Variants in SELENOI observed in about 807,000 individuals in gnomAD.
SELENOI encodes ethanolaminephosphotransferase 1.
In SELENOI, 24 loss-of-function variants were observed where a neutral mutation model predicts 50.7. The ratio of observed to expected loss-of-function variants is 0.47; its 90% CI spans 0.34 to 0.67. The LOEUF (loss-of-function observed/expected upper bound fraction) is 0.67. Among genes scored for constraint, SELENOI ranks in the 30% least tolerant of loss-of-function variants. The probability of loss-of-function intolerance (pLI) is 0.01; values close to 1 mark genes in which losing one functional copy is unlikely to be tolerated. For missense variants in SELENOI, 352 were observed against 461.4 expected (o/e 0.76, Z 2.17); for synonymous variants, 155 against 170.2 (o/e 0.91, Z 0.70).
At chr2:26,372,216 G>A (rs1470628582) in intron 4 of SELENOI, among the ~76,000 whole-genome samples, 1 of 152,098 alleles carries the variant, frequency 6.6e-6, no homozygotes. Flanking sequence ...GGGTTCAAGC[G>A]ATTCTCCTGC....
intron 6 of SELENOI, among the ~76,000 whole-genome samples, chr2:26,382,420 C>T (rs960773786): frequency 1.3e-4 from 20 of 152,128 alleles, no homozygotes; most frequent in African/African-American, 4.6e-4. Context: ...TTTCACTTAG[C>T]AGTCAGGAAT....
intron 1 of SELENOI, among the ~76,000 whole-genome samples, chr2:26,354,572 T>TC (rs1353660888): frequency 7.3e-5 from 11 of 151,712 alleles, no homozygotes; most frequent in Non-Finnish European, 1.3e-4. Flanking sequence ...TTTTTTTTTT[T>TC]AGTAGAGACG....
Position 26,346,152 on chromosome 2 carries a change from G to A in SELENOI, c.-81G>A, listed in dbSNP as rs773529782. ...GGGCAGCCCAGTCTTTGCCATCCTT[G>A]CCCAGCCGGTGTGGTGCTTGTGTGT... is the stretch of plus-strand genomic sequence containing the variant. On this transcript the variant is annotated 5_prime_UTR_variant, in exon 1 of 10. Transcript: ENST00000260585. 2.5e-6 allele frequency: 4 copies of A among 1,606,426 alleles called. No homozygotes were observed. The African/African-American group carries it at 4.0e-5, about 16-fold the overall frequency.
At chr2:26,364,975 G>T in intron 3 of SELENOI, 35 bp downstream of exon 3, 1 of 1,434,046 alleles carries the variant, frequency 7.0e-7, no homozygotes. Context: ...ATTTAACTGA[G>T]TAGAAAAAAA....
chr2:26,354,382 GT>G (rs896872205), intron 1 of SELENOI, among the ~76,000 whole-genome samples: 2 of 151,752 alleles, frequency 1.3e-5, no homozygotes, highest in African/African-American at 2.4e-5. Context: ...GTTTGTTTTT[GT>G]TTTTTTGTTT....
intron 1 of SELENOI, among the ~76,000 whole-genome samples, chr2:26,354,437 A>G (rs1375759155): frequency 6.6e-6 from 1 of 151,960 alleles, no homozygotes; most frequent in Non-Finnish European, 1.5e-5. Flanking sequence ...CCCAGGCTGG[A>G]GTGCAGTGGT....
Position 26,390,169 on chromosome 2 carries a change from A to C in SELENOI, c.*1066A>C, listed in dbSNP as rs1677932549. 6.6e-6 allele frequency: 1 copy of C among 151,102 alleles called. No individual in the cohort carries two copies. The highest frequency in any genetic ancestry group is 6.7e-5 in the Admixed American group (1 of 15,018). 9.4% of individuals were successfully genotyped at this position (151,102 alleles called of 1,614,324 possible). The stretch of plus-strand genomic sequence containing the variant: ...TTGATATATATGCCTTACTGAGTAC[A>C]TGCCCCCTTTAATGTTAACATGACT... On this transcript the variant is annotated 3_prime_UTR_variant, in exon 10 of 10. Transcript: ENST00000260585.
At chr2:26,387,569 G>A (rs1218416344) in intron 9 of SELENOI, among the ~76,000 whole-genome samples, 1 of 151,878 alleles carries the variant, frequency 6.6e-6, no homozygotes, top group Non-Finnish European at 1.5e-5. Context: ...GGTGGTACAG[G>A]CCTGTAGTCC....
chr2:26,371,306 G>C (rs1202851820), intron 4 of SELENOI, among the ~76,000 whole-genome samples: 1 of 151,560 alleles, frequency 6.6e-6, no homozygotes, highest in Non-Finnish European at 1.5e-5. Context: ...ACGGGGTGGC[G>C]GCCGGGCAGA....
rs1678043472 is a variant in SELENOI at position 26,394,467 on chromosome 2, A to C, written c.*5364A>C. Reference sequence around the variant, plus strand: ...TCAGCATTAGACTTTGAGTTTAATAACTACAAATTGAGACTGCTCACAATA... The same window carrying C: ...TCAGCATTAGACTTTGAGTTTAATACCTACAAATTGAGACTGCTCACAATA... On this transcript the variant is annotated 3_prime_UTR_variant, in exon 10 of 10. Transcript: ENST00000260585. This position sits in a 1 kb window ranked among gnomAD's most constrained non-coding sequence, Gnocchi z 4.1. 6.6e-6 allele frequency: 1 copy of C among 152,246 alleles called. No homozygotes were observed. Among genetic ancestry groups the C allele is most frequent in the Non-Finnish European group, 1.5e-5 (1 of 68,038 alleles). 9.4% of individuals were successfully genotyped at this position (152,246 alleles called of 1,614,324 possible).
intron 1 of SELENOI, among the ~76,000 whole-genome samples, chr2:26,354,201 T>C (rs1365710101): frequency 6.6e-6 from 1 of 152,136 alleles, no homozygotes; most frequent in African/African-American, 2.4e-5. Context: ...CTATTTTCCC[T>C]GTTTCACCGA....
intron 1 of SELENOI, among the ~76,000 whole-genome samples, chr2:26,354,469 C>G (rs9941613): frequency 6.6e-6 from 1 of 151,946 alleles, no homozygotes; most frequent in East Asian, 1.9e-4. Context: ...TCACTGCAAG[C>G]TCCGCCTCCT....
Position 26,391,484 on chromosome 2 carries a change from G to A in SELENOI, c.*2381G>A, listed in dbSNP as rs1031858530. 6.6e-6 allele frequency: 1 copy of A among 152,188 alleles called. No individual in the cohort carries two copies. The highest frequency in any genetic ancestry group is 2.4e-5 in the African/African-American group (1 of 41,442). 9.4% of individuals were successfully genotyped at this position (152,188 alleles called of 1,614,324 possible). A position where few individuals can be genotyped will look rare whatever the true frequency, so the allele number is the denominator to read the frequency against. On this transcript the variant is annotated 3_prime_UTR_variant, in exon 10 of 10. Coordinates refer to ENST00000260585, the MANE Select transcript of SELENOI (RefSeq NM_033505.4). ...AATTACTATAACATTTCCAAAGTAT[G>A]AAAGGTCTTTCAGGCTTATGCATGA...
Position 26,389,209 on chromosome 2 carries a change from T to C in SELENOI, c.*106T>C. 1 of 884,280 alleles carries C rather than the reference T, an allele frequency of 1.1e-6. No homozygotes were observed. The highest frequency in any genetic ancestry group is 1.8e-6 in the Non-Finnish European group (1 of 558,748). The allele number at this position is 884,280 out of a possible 1,614,324, so 54.8% of individuals were successfully genotyped here. On this transcript the variant is annotated 3_prime_UTR_variant, in exon 10 of 10. Coordinates refer to ENST00000260585, the MANE Select transcript of SELENOI (RefSeq NM_033505.4). Reference sequence around the variant, plus strand: ...CTGCTTGACAGACGTGGGATCTCAGTATGGTACTTGGACAGCAGGAATGAT... The same window carrying C: ...CTGCTTGACAGACGTGGGATCTCAGCATGGTACTTGGACAGCAGGAATGAT...
chr2:26,379,823 A>T (rs892695008), intron 6 of SELENOI, among the ~76,000 whole-genome samples: 7 of 152,174 alleles, frequency 4.6e-5, no homozygotes, highest in Admixed American at 3.3e-4. Flanking sequence ...CATTGATCTT[A>T]TATTTTTATC....
chr2:26,378,294 G>A (rs1169948238), intron 6 of SELENOI, among the ~76,000 whole-genome samples: 3 of 152,106 alleles, frequency 2.0e-5, no homozygotes, highest in Non-Finnish European at 2.9e-5. Flanking sequence ...TCTGAGTGTG[G>A]GTTGGGAACA....
In SELENOI at chr2:26,395,427, A is replaced by C. The variant is rs1399095154; in HGVS notation, c.*6324A>C. 1.3e-5 allele frequency: 2 copies of C among 152,312 alleles called. No individual in the cohort carries two copies. Among genetic ancestry groups the C allele is most frequent in the African/African-American group, 4.8e-5 (2 of 41,448 alleles). 9.4% of individuals were successfully genotyped at this position (152,312 alleles called of 1,614,324 possible). A position where few individuals can be genotyped will look rare whatever the true frequency, so the allele number is the denominator to read the frequency against. On this transcript the variant is annotated 3_prime_UTR_variant, in exon 10 of 10. Coordinates refer to ENST00000260585, the MANE Select transcript of SELENOI (RefSeq NM_033505.4). ...TGTGAGCCAGAAAGAGCTTTGAGAAAGATGGCTGCTTCCACCAGGGTGGAG... is the reference window on the plus strand; with the variant it reads ...TGTGAGCCAGAAAGAGCTTTGAGAACGATGGCTGCTTCCACCAGGGTGGAG...
intron 4 of SELENOI, among the ~76,000 whole-genome samples, chr2:26,371,826 G>T (rs141504370): frequency 6.6e-6 from 1 of 151,944 alleles, no homozygotes; most frequent in African/African-American, 2.4e-5. Context: ...GTCCAGCTTC[G>T]GCTCGGCATG....
At chr2:26,350,107 A>G (rs964422925) in intron 1 of SELENOI, among the ~76,000 whole-genome samples, 7 of 118,908 alleles carry the variant, frequency 5.9e-5, no homozygotes, top group African/African-American at 3.7e-4. Context: ...ACCCTGACTC[A>G]AAAAAAAAAA....
Sources: allele counts gnomAD v4.1 joint callset (sites outside exome capture counted in the v4.1 genomes callset), GRCh38; gene constraint gnomAD v4.1.1; non-coding constraint Gnocchi (gnomAD v3.1); transcripts MANE v1.5; gene names NCBI Gene and HGNC (gene_info 2026-07-23, HGNC 2026-07-21).